NEDD4L: variants seen among roughly 807,000 people sequenced by gnomAD.
The protein encoded by NEDD4L is E3 ubiquitin-protein ligase NEDD4-like.
A neutral mutation model predicts 148.9 loss-of-function variants in NEDD4L; 54 were observed. The ratio of observed to expected loss-of-function variants is 0.36; its 90% CI spans 0.29 to 0.45. The LOEUF (loss-of-function observed/expected upper bound fraction) is 0.45. Ranked by LOEUF, NEDD4L falls within the 20% of genes least tolerant of loss-of-function variation. The pLI is 1.00. For synonymous variants in NEDD4L, 433 were observed against 440.7 expected (o/e 0.98, Z 0.22); for missense variants, 856 against 1,233.8 (o/e 0.69, Z 4.59).
At chr18:58,115,245 C>CTTTTTTTTTTTTTTTTTTTTTTTTTTTT (rs60541981) in intron 1 of NEDD4L, among the ~76,000 whole-genome samples, 13 of 129,536 alleles carry the variant, frequency 1.0e-4, no homozygotes, top group East Asian at 4.3e-4. Flanking sequence ...TTCTTTCTTT[C>CTTTTTTTTTTTTTTTTTTTTTTTTTTTT]TTTTTTTTTT....
chr18:58,176,020 G>A (rs2038094220), intron 2 of NEDD4L, among the ~76,000 whole-genome samples: 1 of 152,164 alleles, frequency 6.6e-6, no homozygotes, highest in South Asian at 2.1e-4. Flanking sequence ...CCACAATAAT[G>A]GATCTTCCTA....
At chr18:58,324,400 G>C (rs1225751978) in intron 8 of NEDD4L, among the ~76,000 whole-genome samples, 1 of 152,184 alleles carries the variant, frequency 6.6e-6, no homozygotes, top group Non-Finnish European at 1.5e-5. Flanking sequence ...TGAGTAGAAG[G>C]CAGCAGCTTC....
chr18:58,163,736 A>G (rs1027995189), intron 1 of NEDD4L, among the ~76,000 whole-genome samples: 1 of 152,104 alleles, frequency 6.6e-6, no homozygotes, highest in African/African-American at 2.4e-5. Context: ...TGTTTTGGGG[A>G]TACGTGGTTG....
chr18:58,300,919 A>G (rs1345762269), intron 5 of NEDD4L, among the ~76,000 whole-genome samples: 1 of 152,202 alleles, frequency 6.6e-6, no homozygotes, highest in Non-Finnish European at 1.5e-5. Context: ...TCCAAAATAG[A>G]CACTAAGGGC....
At chr18:58,165,525 G>A (rs2036740166) in intron 1 of NEDD4L, 1 of 325,326 alleles carries the variant, frequency 3.1e-6, no homozygotes, top group African/African-American at 2.2e-5. Context: ...TAAATGGCAG[G>A]AGTAATTGAT....
intron 19 of NEDD4L, among the ~76,000 whole-genome samples, chr18:58,361,260 G>C (rs10513915): frequency 0.025 from 3,736 of 152,208 alleles, 171 homozygotes; most frequent in African/African-American, 0.087. Context: ...TTCTAAGTAG[G>C]CCTAGCGTTT....
intron 9 of NEDD4L, 121 bp downstream of exon 9, chr18:58,325,283 T>C: frequency 8.5e-7 from 1 of 1,172,310 alleles, no homozygotes. Context: ...CAGATGGTGG[T>C]GTGGTACGAG....
intron 1 of NEDD4L, among the ~76,000 whole-genome samples, chr18:58,086,589 C>T (rs2083771179): frequency 6.6e-6 from 1 of 152,048 alleles, no homozygotes; most frequent in Non-Finnish European, 1.5e-5. Flanking sequence ...CTGATATTTC[C>T]ACACAGGACA....
At chr18:58,072,389 A>G (rs1287705298) in intron 1 of NEDD4L, among the ~76,000 whole-genome samples, 1 of 152,192 alleles carries the variant, frequency 6.6e-6, no homozygotes, top group Non-Finnish European at 1.5e-5. Flanking sequence ...CACCGTGACA[A>G]AGTGGAATTT....
At chr18:58,084,923 G>C (rs944362196) in intron 1 of NEDD4L, among the ~76,000 whole-genome samples, 6 of 151,918 alleles carry the variant, frequency 3.9e-5, no homozygotes, top group Non-Finnish European at 8.8e-5. Context: ...TTGAATTCCT[G>C]GGCTCAAGTG....
chr18:58,116,007 T>C (rs926561474), intron 1 of NEDD4L, among the ~76,000 whole-genome samples: 3 of 152,194 alleles, frequency 2.0e-5, no homozygotes, highest in East Asian at 1.9e-4. Flanking sequence ...TTGGATAGCT[T>C]GACCAAACCC....
intron 5 of NEDD4L, among the ~76,000 whole-genome samples, chr18:58,292,043 C>T (rs994065700): frequency 1.4e-4 from 21 of 152,180 alleles, no homozygotes; most frequent in Non-Finnish European, 2.9e-4. Context: ...CACAAAAGAA[C>T]GCAGCTCTGG....
chr18:58,116,320 G>A (rs1267102532), intron 1 of NEDD4L, among the ~76,000 whole-genome samples: 1 of 152,138 alleles, frequency 6.6e-6, no homozygotes, highest in Non-Finnish European at 1.5e-5. Context: ...AAAATACTGT[G>A]TTTTTGTTTT....
intron 1 of NEDD4L, among the ~76,000 whole-genome samples, chr18:58,140,270 C>T (rs1316577608): frequency 6.6e-6 from 1 of 152,208 alleles, no homozygotes; most frequent in Non-Finnish European, 1.5e-5. Flanking sequence ...ATGCTCAAGC[C>T]TCCACCTATG....
At chr18:58,109,578 T>TG (rs2085293091) in intron 1 of NEDD4L, among the ~76,000 whole-genome samples, 2 of 147,938 alleles carry the variant, frequency 1.4e-5, no homozygotes, top group Admixed American at 6.7e-5. Context: ...TTTTGTTTTT[T>TG]TTTTTTTTTT....
At chr18:58,302,890 G>A (rs903170179) in intron 5 of NEDD4L, among the ~76,000 whole-genome samples, 14 of 152,226 alleles carry the variant, frequency 9.2e-5, no homozygotes, top group African/African-American at 2.4e-4. Flanking sequence ...CACATGCTTC[G>A]AGGTGATGTA....
chr18:58,298,315 A>G (rs971281561), intron 5 of NEDD4L, among the ~76,000 whole-genome samples: 1 of 152,200 alleles, frequency 6.6e-6, no homozygotes, highest in Admixed American at 6.5e-5. Context: ...CATGATACAG[A>G]TAGTATTCTG....
At chr18:58,325,512 C>T (rs573143417) in intron 9 of NEDD4L, among the ~76,000 whole-genome samples, 119 of 152,322 alleles carry the variant, frequency 7.8e-4, no homozygotes, top group African/African-American at 2.8e-3. Context: ...TCTCTCCCAA[C>T]TGACCCAGAA....
At chr18:58,079,981 G>A (rs1906225190) in intron 1 of NEDD4L, among the ~76,000 whole-genome samples, 1 of 152,140 alleles carries the variant, frequency 6.6e-6, no homozygotes, top group South Asian at 2.1e-4. Context: ...AGGCTGGGGG[G>A]CAGTGGCACG....
Sources: allele counts gnomAD v4.1 joint callset (sites outside exome capture counted in the v4.1 genomes callset), GRCh38; gene constraint gnomAD v4.1.1; transcripts MANE v1.5; gene names NCBI Gene and HGNC (gene_info 2026-07-23, HGNC 2026-07-21).